Variants in NALCN observed in about 807,000 individuals in gnomAD.
NALCN encodes the protein sodium leak channel, non-selective.
A neutral mutation model predicts 225.3 loss-of-function variants in NALCN; 111 were observed. That is an observed-to-expected ratio of 0.49 (90% confidence interval 0.42 to 0.58). The LOEUF is 0.58. NALCN is among the 20% of genes least tolerant of loss of function. NALCN has a pLI of 0.00. For missense variants in NALCN, 1,378 were observed against 2,202.4 expected, an observed-to-expected ratio of 0.63 and a Z score of 7.49; for synonymous variants, 764 against 769.0, an observed-to-expected ratio of 0.99 and a Z score of 0.11.
At chr13:101,069,547 G>A (rs1293574568) in intron 37 of NALCN, among the ~76,000 whole-genome samples, 1 of 152,198 alleles carries the variant, frequency 6.6e-6, no homozygotes, top group Non-Finnish European at 1.5e-5. Context: ...GAAGGTTGGG[G>A]TGGCTGTGGC....
intron 7 of NALCN, among the ~76,000 whole-genome samples, chr13:101,343,720 C>T (rs188940578): frequency 4.6e-5 from 7 of 152,298 alleles, no homozygotes; most frequent in Admixed American, 2.0e-4. Context: ...CCTCCTAGAA[C>T]TGGTCCTCTC....
At chr13:101,107,361 A>T in intron 22 of NALCN, 126 bp downstream of exon 22, 2 of 1,489,560 alleles carry the variant, frequency 1.3e-6, no homozygotes, top group Non-Finnish European at 1.8e-6. Flanking sequence ...GAGCAGCATG[A>T]TTAATTAGTC....
intron 14 of NALCN, among the ~76,000 whole-genome samples, chr13:101,190,192 T>G (rs1164093607): frequency 2.0e-5 from 3 of 152,176 alleles, no homozygotes; most frequent in Non-Finnish European, 4.4e-5. Flanking sequence ...AAGTAAACCA[T>G]TTTGTTGCTT....
At chr13:101,135,870 G>A (rs1219911591) in intron 17 of NALCN, among the ~76,000 whole-genome samples, 4 of 152,170 alleles carry the variant, frequency 2.6e-5, no homozygotes. Context: ...GATAGATTTA[G>A]CAGCGGCCTT....
intron 7 of NALCN, among the ~76,000 whole-genome samples, chr13:101,323,878 A>AT (rs2044844665): frequency 6.6e-6 from 1 of 152,068 alleles, no homozygotes; most frequent in Admixed American, 6.5e-5. Flanking sequence ...AAAATAAGGT[A>AT]TTTTTTCAAA....
chr13:101,304,618 T>G (rs1172477098), intron 7 of NALCN, among the ~76,000 whole-genome samples: 1 of 152,020 alleles, frequency 6.6e-6, no homozygotes, highest in African/African-American at 2.4e-5. Flanking sequence ...TTGTATTTCT[T>G]GTAGAGACCA....
rs1275727889 is a variant in NALCN, at chr13:101,292,488, A to G, written c.800-122T>C. 2 of 1,003,572 alleles carry G rather than the reference A, an allele frequency of 2.0e-6. No individual in the cohort carries two copies. The highest frequency in any genetic ancestry group is 2.6e-5 in the East Asian group (1 of 38,470). The allele number at this position is 1,003,572 out of a possible 1,614,324, so 62.2% of individuals were successfully genotyped here. A position where few individuals can be genotyped will look rare whatever the true frequency, so the allele number is the denominator to read the frequency against. Reference sequence around the variant, plus strand: ...TCTCAATGACAAAAGTGCTTCAAAAATTGATTAGAATCACATGCAACACAT... The same window carrying G: ...TCTCAATGACAAAAGTGCTTCAAAAGTTGATTAGAATCACATGCAACACAT... On this transcript the variant is annotated intron_variant, in intron 7 of 43. Coordinates refer to ENST00000251127, the MANE Select transcript of NALCN (RefSeq NM_052867.4). This position sits in a 1 kb window ranked among gnomAD's most constrained non-coding sequence, Gnocchi z 4.3.
At chr13:101,086,705 G>T (rs1041445416) in intron 30 of NALCN, among the ~76,000 whole-genome samples, 2 of 151,920 alleles carry the variant, frequency 1.3e-5, no homozygotes, top group African/African-American at 4.8e-5. Context: ...TGAGATATAT[G>T]TTAATATCTT....
Position 101,056,125 on chromosome 13 carries a change from C to T in NALCN, c.5024-637G>A, listed in dbSNP as rs76682950. The stretch of plus-strand genomic sequence containing the variant: ...TGACACCTGTGACATTGTTGCTGCC[C>T]CCTCAAAATACTATTTTTCTTCTCC... On this transcript the variant is annotated intron_variant, in intron 43 of 43. Coordinates refer to ENST00000251127, the MANE Select transcript of NALCN (RefSeq NM_052867.4). 8.2e-3 allele frequency among the ~76,000 whole-genome samples: 1,253 copies of T among 152,192 alleles called. 26 individuals carry two copies. Among genetic ancestry groups the T allele is most frequent in the East Asian group, 0.068 (355 of 5,184 alleles).
intron 13 of NALCN, among the ~76,000 whole-genome samples, chr13:101,210,300 A>C (rs368257623): frequency 6.6e-6 from 1 of 152,218 alleles, no homozygotes; most frequent in African/African-American, 2.4e-5. Flanking sequence ...TTCCTAGAAA[A>C]AATGTTAGAG....
intron 1 of NALCN, among the ~76,000 whole-genome samples, chr13:101,404,211 T>C (rs569514324): frequency 2.6e-5 from 4 of 152,256 alleles, no homozygotes; most frequent in South Asian, 2.1e-4. Flanking sequence ...GCTGGCTCCA[T>C]ACTACCTCCC....
chr13:101,205,803 A>G (rs959155909), intron 13 of NALCN, among the ~76,000 whole-genome samples: 6 of 152,098 alleles, frequency 3.9e-5, no homozygotes, highest in African/African-American at 1.4e-4. Context: ...TGATATTTTC[A>G]TTTCAGTGCA....
intron 14 of NALCN, among the ~76,000 whole-genome samples, chr13:101,190,957 T>A (rs1003513546): frequency 2.6e-5 from 4 of 152,206 alleles, no homozygotes; most frequent in Non-Finnish European, 5.9e-5. Flanking sequence ...CATATTTACA[T>A]TCCATGTGAC....
chr13:101,063,083 G>A lies in NALCN; in HGVS notation c.4605-965C>T, dbSNP rs191216808. On this transcript the variant is annotated intron_variant, in intron 40 of 43. Transcript: ENST00000251127. The stretch of plus-strand genomic sequence containing the variant: ...TGAGCAGTCCACCACCAGAGGAGAA[G>A]ACAGCCCCTCTTGGCAGTGTGATGC... Among the ~76,000 whole-genome samples, 3 of 152,358 alleles carry A rather than the reference G, an allele frequency of 2.0e-5. No individual in the cohort carries two copies. The East Asian group carries it at 5.8e-4, about 29-fold the overall frequency.
intron 39 of NALCN, among the ~76,000 whole-genome samples, chr13:101,066,808 CT>C (rs2032430743): frequency 6.6e-6 from 1 of 152,034 alleles, no homozygotes; most frequent in Admixed American, 6.5e-5. Context: ...CCCAGGCTGG[CT>C]TCTTGGTCTT....
Position 101,283,394 on chromosome 13 carries a change from C to T in NALCN, c.1134+539G>A, listed in dbSNP as rs182795353. On this transcript the variant is annotated intron_variant, in intron 10 of 43. Coordinates refer to ENST00000251127, the MANE Select transcript of NALCN (RefSeq NM_052867.4). Reference sequence around the variant, plus strand: ...ATGGTTTTTCCAGAAAGTTCACAGGCAGGGACGTGAGACTCCATCTTCTAA... The same window carrying T: ...ATGGTTTTTCCAGAAAGTTCACAGGTAGGGACGTGAGACTCCATCTTCTAA... 3.5e-3 allele frequency among the ~76,000 whole-genome samples: 537 copies of T among 152,210 alleles called. 1 individual carries two copies. Among genetic ancestry groups the T allele is most frequent in the Non-Finnish European group, 6.5e-3 (439 of 68,004 alleles).
chr13:101,356,192 G>A lies in NALCN; in HGVS notation c.645-10772C>T, dbSNP rs144141071. ...CTAGCAGAAGACAAGAAATAACTAAGATCAGAGCAGAATTGAAGGAGACAG... is the reference window on the plus strand; with the variant it reads ...CTAGCAGAAGACAAGAAATAACTAAAATCAGAGCAGAATTGAAGGAGACAG... On this transcript the variant is annotated intron_variant, in intron 6 of 43. Coordinates refer to ENST00000251127, the MANE Select transcript of NALCN (RefSeq NM_052867.4). 2.5e-3 allele frequency among the ~76,000 whole-genome samples: 382 copies of A among 152,162 alleles called. 4 individuals carry two copies. The highest frequency in any genetic ancestry group is 8.5e-3 in the African/African-American group (355 of 41,536).
rs573982460 is a variant in NALCN at position 101,376,864 on chromosome 13, T to G, written c.516-36A>C. On this transcript the variant is annotated intron_variant, in intron 5 of 43. Coordinates refer to ENST00000251127, the MANE Select transcript of NALCN (RefSeq NM_052867.4). Reference sequence around the variant, plus strand: ...AAAAGTAGGTAAAGTACATAAAACTTACAAAAAACTTCATAAACTTTTCCT... The same window carrying G: ...AAAAGTAGGTAAAGTACATAAAACTGACAAAAAACTTCATAAACTTTTCCT... 1.3e-4 allele frequency: 204 copies of G among 1,612,706 alleles called. 1 individual carries two copies. The South Asian group carries it at 1.5e-3, about 12-fold the overall frequency.
chr13:101,206,734 A>G (rs963773827), intron 13 of NALCN, among the ~76,000 whole-genome samples: 1 of 149,382 alleles, frequency 6.7e-6, no homozygotes, highest in African/African-American at 2.5e-5. Context: ...TTAAATATAT[A>G]TATATATATA....
Sources: gnomAD v4.1 joint callset for allele counts (sites outside exome capture counted in the v4.1 genomes callset) on GRCh38, gnomAD v4.1.1 for gene constraint, Gnocchi (gnomAD v3.1) non-coding constraint, MANE v1.5 for transcripts, NCBI Gene and HGNC (gene_info 2026-07-23, HGNC 2026-07-21) for gene names.